The following ANKS1B variants were observed in gnomAD, a reference collection of about 807,000 sequenced individuals.
ANKS1B encodes the protein ankyrin repeat and sterile alpha motif domain-containing protein 1B.
Under a neutral mutation model 148.3 loss-of-function variants are expected in ANKS1B, and 36 were observed. That is an observed-to-expected ratio of 0.24 (90% CI 0.19 to 0.32). ANKS1B has a LOEUF of 0.32. Among genes scored for constraint, ANKS1B ranks in the 10% least tolerant of loss-of-function variants. ANKS1B has a pLI of 1.00. For missense variants in ANKS1B, 1,157 were observed against 1,542.6 expected, an observed-to-expected ratio of 0.75 and a Z score of 4.19; for synonymous variants, 542 against 560.8, an observed-to-expected ratio of 0.97 and a Z score of 0.47.
At chr12:99,572,731 T>C (rs1408427751) in intron 9 of ANKS1B, among the ~76,000 whole-genome samples, 1 of 152,010 alleles carries the variant, frequency 6.6e-6, no homozygotes, top group Non-Finnish European at 1.5e-5. Flanking sequence ...AGCCTAAAAA[T>C]CCAAGATAAC....
chr12:98,892,017 T>C (rs1462030112), intron 17 of ANKS1B, among the ~76,000 whole-genome samples: 2 of 152,244 alleles, frequency 1.3e-5, no homozygotes, highest in Non-Finnish European at 2.9e-5. Flanking sequence ...GTTTTACTCA[T>C]GATCGTTAAT....
chr12:98,776,240 A>G (rs1168435339), intron 24 of ANKS1B, among the ~76,000 whole-genome samples: 1 of 152,252 alleles, frequency 6.6e-6, no homozygotes, highest in East Asian at 1.9e-4. Flanking sequence ...GAAGAAGCCA[A>G]AGAGGAACAC....
At chr12:99,816,518 A>G (rs1328964465) in intron 2 of ANKS1B, among the ~76,000 whole-genome samples, 1 of 151,474 alleles carries the variant, frequency 6.6e-6, no homozygotes, top group East Asian at 1.9e-4. Context: ...TTTTGTTTAA[A>G]TGTGCTTATT....
chr12:99,790,347 T>C (rs1016289766), intron 4 of ANKS1B, among the ~76,000 whole-genome samples: 1 of 152,138 alleles, frequency 6.6e-6, no homozygotes, highest in Non-Finnish European at 1.5e-5. Context: ...ACACCAGGCC[T>C]GTCTTGCAAG....
intron 8 of ANKS1B, among the ~76,000 whole-genome samples, chr12:99,692,820 A>G (rs1048245482): frequency 3.9e-5 from 6 of 152,142 alleles, no homozygotes; most frequent in African/African-American, 1.2e-4. Context: ...GGGGAAAAGC[A>G]TGTGTTCTAC....
chr12:99,516,062 A>G (rs73379555), intron 9 of ANKS1B, among the ~76,000 whole-genome samples: 9,828 of 151,880 alleles, frequency 0.065, 1,001 homozygotes, highest in African/African-American at 0.22. Flanking sequence ...TCTAGTTATC[A>G]CCTGTCAGAT....
chr12:98,851,949 A>G (rs867393782), intron 17 of ANKS1B, among the ~76,000 whole-genome samples: 6 of 135,592 alleles, frequency 4.4e-5, no homozygotes, highest in South Asian at 2.6e-4. Flanking sequence ...GCTTGAACCC[A>G]GGAGGTGGAG....
At chr12:99,955,928 A>G (rs1295833989) in intron 1 of ANKS1B, among the ~76,000 whole-genome samples, 2 of 152,174 alleles carry the variant, frequency 1.3e-5, no homozygotes, top group South Asian at 4.1e-4. Flanking sequence ...AAATTGTAAA[A>G]GAAATAAAAT....
At chr12:98,881,121 C>T (rs964819423) in intron 17 of ANKS1B, among the ~76,000 whole-genome samples, 5 of 152,002 alleles carry the variant, frequency 3.3e-5, no homozygotes, top group African/African-American at 1.2e-4. Flanking sequence ...GGAGAAAACC[C>T]CCAAAGAGCT....
intron 12 of ANKS1B, among the ~76,000 whole-genome samples, chr12:99,353,835 T>C (rs1164867986): frequency 6.6e-6 from 1 of 152,062 alleles, no homozygotes; most frequent in Non-Finnish European, 1.5e-5. Flanking sequence ...CTCACATTTT[T>C]CTCTATGAGA....
At chr12:99,729,138 A>T (rs2058896030) in intron 8 of ANKS1B, among the ~76,000 whole-genome samples, 1 of 152,224 alleles carries the variant, frequency 6.6e-6, no homozygotes, top group African/African-American at 2.4e-5. Flanking sequence ...CATCTCTGAC[A>T]TGAAAATATG....
At chr12:99,089,887 A>G (rs994033499) in intron 15 of ANKS1B, among the ~76,000 whole-genome samples, 1 of 152,174 alleles carries the variant, frequency 6.6e-6, no homozygotes, top group African/African-American at 2.4e-5. Flanking sequence ...ATAATCAATA[A>G]ATAAAGTTGT....
intron 22 of ANKS1B, among the ~76,000 whole-genome samples, chr12:98,785,426 C>T (rs918640761): frequency 1.3e-4 from 20 of 151,928 alleles, no homozygotes; most frequent in African/African-American, 2.4e-4. Flanking sequence ...GCCAAGATCG[C>T]GCCACTGCAC....
At position 99,693,276 on chromosome 12, in the gene ANKS1B, G is replaced by T. The variant is rs118093023; in HGVS notation, c.1129-38066C>A. 1.3e-3 allele frequency among the ~76,000 whole-genome samples: 198 copies of T among 152,260 alleles called. 3 individuals carry two copies. In the East Asian group the frequency reaches 0.033, roughly 25 times the overall value. ...AGTGATCATTGGATTCATAATCATG[G>T]ATATTTAAATGGTAGACTTAACAAA... On this transcript the variant is annotated intron_variant, in intron 8 of 26. Transcript: ENST00000683438.
At chr12:98,901,660 T>C (rs764205235) in intron 17 of ANKS1B, among the ~76,000 whole-genome samples, 56 of 152,184 alleles carry the variant, frequency 3.7e-4, no homozygotes, top group Admixed American at 9.2e-4. Context: ...CATATGTTAA[T>C]AGAGGGCACA....
At chr12:99,868,711 A>AT (rs2153725416) in intron 1 of ANKS1B, among the ~76,000 whole-genome samples, 1 of 152,290 alleles carries the variant, frequency 6.6e-6, no homozygotes, top group South Asian at 2.1e-4. Context: ...TCGGAAACTA[A>AT]TGGAAGATAT....
chr12:99,275,073 ATAG>A (rs1449875493), intron 12 of ANKS1B, among the ~76,000 whole-genome samples: 1 of 152,164 alleles, frequency 6.6e-6, no homozygotes, highest in Non-Finnish European at 1.5e-5. Context: ...TTGTGGGTAG[ATAG>A]TAGGTGTATG....
chr12:99,093,539 A>T (rs2054825508), intron 15 of ANKS1B: 1 of 152,196 alleles, frequency 6.6e-6, no homozygotes, highest in Non-Finnish European at 1.5e-5. Context: ...TCTACAAATG[A>T]ACGAAAGCAG....
chr12:99,139,743 T>C (rs2069920128), intron 15 of ANKS1B, among the ~76,000 whole-genome samples: 1 of 151,974 alleles, frequency 6.6e-6, no homozygotes, highest in Non-Finnish European at 1.5e-5. Flanking sequence ...GCAGATGCTG[T>C]ACTATGGCTC....
Sources: allele counts gnomAD v4.1 joint callset (sites outside exome capture counted in the v4.1 genomes callset), GRCh38; gene constraint gnomAD v4.1.1; transcripts MANE v1.5; gene names NCBI Gene and HGNC (gene_info 2026-07-23, HGNC 2026-07-21).